ATAD1: variants seen among roughly 807,000 people sequenced by gnomAD.
ATAD1 encodes the protein ATPase family AAA domain containing 1, also known as outer mitochondrial transmembrane helix translocase.
A neutral mutation model predicts 42.7 loss-of-function variants in ATAD1; 18 were observed. The observed-to-expected ratio is 0.42, with a 90% CI of 0.29 to 0.63. The LOEUF is 0.63. Among genes scored for constraint, ATAD1 ranks in the 20% least tolerant of loss-of-function variants. The probability of loss-of-function intolerance (pLI) is 0.19; values close to 1 mark genes in which losing one functional copy is unlikely to be tolerated. For synonymous variants in ATAD1, 132 were observed against 143.1 expected (o/e 0.92, Z 0.55); for missense variants, 294 against 440.4 (o/e 0.67, Z 2.98).
chr10:87,789,364 C>G (rs1190814060), intron 4 of ATAD1, among the ~76,000 whole-genome samples: 1 of 152,172 alleles, frequency 6.6e-6, no homozygotes, highest in Admixed American at 6.5e-5. Flanking sequence ...ACACATATAT[C>G]TCTCACTGTA....
intron 8 of ATAD1, among the ~76,000 whole-genome samples, chr10:87,765,406 G>GA: frequency 7.2e-6 from 1 of 139,306 alleles, no homozygotes; most frequent in Non-Finnish European, 1.5e-5. Context: ...CAAGAGTTTG[G>GA]AAAGTGTGGA....
chr10:87,838,767 G>GT (rs1284779501), intron 1 of ATAD1, among the ~76,000 whole-genome samples: 2 of 151,848 alleles, frequency 1.3e-5, no homozygotes, highest in African/African-American at 4.8e-5. Context: ...TCTCCTTTTT[G>GT]TGAGGACATA....
intron 2 of ATAD1, among the ~76,000 whole-genome samples, chr10:87,806,974 T>A (rs1304247980): frequency 6.6e-6 from 1 of 152,178 alleles, no homozygotes; most frequent in African/African-American, 2.4e-5. Flanking sequence ...TCCTTTTCTT[T>A]TGTCTGATCG....
chr10:87,814,692 A>G (rs1857336418), intron 1 of ATAD1, 80 bp from the exon 2 acceptor site: 1 of 1,124,758 alleles, frequency 8.9e-7, no homozygotes. Context: ...AGCTTAAACT[A>G]AGAAAGAAAA....
upstream of ATAD1, chr10:87,818,274 C>T (rs1316236132): frequency 1.0e-5 from 10 of 985,032 alleles, no homozygotes; most frequent in Non-Finnish European, 1.1e-5. Context: ...CACTCCCTCC[C>T]ACGGAGCATG....
chr10:87,789,153 G>A (rs1327116596), intron 4 of ATAD1, among the ~76,000 whole-genome samples: 2 of 152,016 alleles, frequency 1.3e-5, no homozygotes, highest in Non-Finnish European at 2.9e-5. Flanking sequence ...AAGATTATAA[G>A]CATTATAATT....
intron 1 of ATAD1, among the ~76,000 whole-genome samples, chr10:87,824,317 A>T (rs1331777135): frequency 1.3e-5 from 2 of 152,164 alleles, no homozygotes; most frequent in African/African-American, 4.8e-5. Context: ...TGATTGCCCT[A>T]TCCTGATGTG....
chr10:87,769,737 G>C (rs1459179855), intron 7 of ATAD1, among the ~76,000 whole-genome samples: 1 of 152,046 alleles, frequency 6.6e-6, no homozygotes, highest in Non-Finnish European at 1.5e-5. Flanking sequence ...TCTGAGGTCA[G>C]GAGTTCGAGA....
chr10:87,771,130 A>C, intron 6 of ATAD1, 89 bp from the exon 7 acceptor site: 1 of 948,450 alleles, frequency 1.1e-6, no homozygotes, highest in Non-Finnish European at 1.6e-6. Context: ...TTAAAAATTA[A>C]GTGGTATTTT....
At chr10:87,837,537 G>A (rs775080037) in intron 1 of ATAD1, among the ~76,000 whole-genome samples, 7 of 152,122 alleles carry the variant, frequency 4.6e-5, no homozygotes, top group Non-Finnish European at 1.0e-4. Flanking sequence ...CCATCCTTGT[G>A]CAACTTGAAG....
At chr10:87,789,659 T>C (rs1247642990) in intron 4 of ATAD1, among the ~76,000 whole-genome samples, 1 of 152,042 alleles carries the variant, frequency 6.6e-6, no homozygotes, top group Non-Finnish European at 1.5e-5. Context: ...GAGGCGGAAG[T>C]TGCAGTGAGC....
At chr10:87,779,999 G>C (rs1284709005) in intron 5 of ATAD1, among the ~76,000 whole-genome samples, 1 of 152,178 alleles carries the variant, frequency 6.6e-6, no homozygotes, top group Non-Finnish European at 1.5e-5. Flanking sequence ...GATGCAACCT[G>C]TGTCCACAGG....
At position 87,784,487 on chromosome 10, in the gene ATAD1, A is replaced by C. The variant is rs746020626; in HGVS notation, c.566T>G (p.Ile189Ser). The change falls in exon 5 of 10, where the codon ATC becomes AGC. Residue 189 changes from isoleucine to serine, a missense_variant. Ile to Ser is a moderately radical substitution (Grantham distance 142). Transcript: ENST00000680024. Reference protein sequence around the residue: ...SLAIKLQPSIIFIDEIDSFLR... With the variant: ...SLAIKLQPSISFIDEIDSFLR... ...TAGCATACCTATTTCATCTATAAAGATGATGGATGGTTGTAGCTTTATGGC... is the reference window on the plus strand; with the variant it reads ...TAGCATACCTATTTCATCTATAAAGCTGATGGATGGTTGTAGCTTTATGGC... 6.2e-7 allele frequency: 1 copy of C among 1,613,498 alleles called. No individual in the cohort carries two copies.
intron 1 of ATAD1, among the ~76,000 whole-genome samples, chr10:87,836,261 G>C (rs906293566): frequency 2.0e-5 from 3 of 152,094 alleles, no homozygotes; most frequent in African/African-American, 7.2e-5. Flanking sequence ...GAGTCGCTAA[G>C]ACTACCACCA....
intron 8 of ATAD1, among the ~76,000 whole-genome samples, chr10:87,766,519 T>C (rs1034367221): frequency 2.0e-5 from 3 of 152,168 alleles, no homozygotes; most frequent in Non-Finnish European, 2.9e-5. Context: ...GTATGTGTTA[T>C]TGATAGTTTA....
At chr10:87,800,683 G>A (rs1365267890) in intron 2 of ATAD1, among the ~76,000 whole-genome samples, 1 of 152,064 alleles carries the variant, frequency 6.6e-6, no homozygotes, top group Admixed American at 6.6e-5. Context: ...CTGTGCCATT[G>A]AGTTACATGG....
chr10:87,772,612 A>C (rs1180871091), intron 6 of ATAD1, among the ~76,000 whole-genome samples: 1 of 152,178 alleles, frequency 6.6e-6, no homozygotes, highest in African/African-American at 2.4e-5. Flanking sequence ...CAGCATTTGA[A>C]GAAACATAGG....
chr10:87,799,331 T>A (rs1156698392), intron 2 of ATAD1, among the ~76,000 whole-genome samples: 2 of 152,172 alleles, frequency 1.3e-5, no homozygotes, highest in Non-Finnish European at 1.5e-5. Flanking sequence ...AAATAAGACA[T>A]TGATATTGGT....
intron 2 of ATAD1, among the ~76,000 whole-genome samples, chr10:87,799,936 TA>T (rs946656077): frequency 6.6e-6 from 1 of 151,842 alleles, no homozygotes; most frequent in African/African-American, 2.4e-5. Context: ...GTTGTTTTGG[TA>T]AGAAAGCTTA....
Sources: gnomAD v4.1 joint callset for allele counts (sites outside exome capture counted in the v4.1 genomes callset) on GRCh38, gnomAD v4.1.1 for gene constraint, MANE v1.5 for transcripts, NCBI Gene and HGNC (gene_info 2026-07-23, HGNC 2026-07-21) for gene names.